The following GRM7 variants were observed in gnomAD, a reference collection of about 807,000 sequenced individuals.
The protein encoded by GRM7 is metabotropic glutamate receptor 7.
In GRM7, 35 loss-of-function variants were observed where a neutral mutation model predicts 84.5. The ratio of observed to expected loss-of-function variants is 0.41; its 90% confidence interval spans 0.32 to 0.55. The LOEUF (loss-of-function observed/expected upper bound fraction) is 0.55, where lower values mean the gene tolerates loss of function less well. GRM7 is among the 20% of genes least tolerant of loss of function. The pLI, the probability that GRM7 is intolerant of heterozygous loss-of-function variation, is 0.19. For synonymous variants in GRM7, 487 were observed against 455.1 expected, an observed-to-expected ratio of 1.07 and a Z score of -0.89; for missense variants, 1,003 against 1,194.6, an observed-to-expected ratio of 0.84 and a Z score of 2.36.
At position 7,544,927 on chromosome 3, in the gene GRM7, T is replaced by C. The variant is rs192040050; in HGVS notation, c.1516-33495T>C. ...CCTCTAAAATCAATTTTTGCCCCCT[T>C]AGGGGCATTATCACTCCTTGTTAAA... On this transcript the variant is annotated intron_variant, in intron 7 of 9. Coordinates refer to ENST00000357716, the MANE Select transcript of GRM7 (RefSeq NM_000844.4). Among the ~76,000 whole-genome samples the C allele has an allele frequency of 1.6e-4, 25 of 152,340 alleles. No homozygotes were observed. The East Asian group carries it at 4.4e-3, about 27-fold the overall frequency.
chr3:7,482,724 T>G (rs1699179828), intron 7 of GRM7, among the ~76,000 whole-genome samples: 1 of 152,176 alleles, frequency 6.6e-6, no homozygotes, highest in African/African-American at 2.4e-5. Context: ...AAAGGTTTTT[T>G]AAGAAAAATT....
At chr3:7,272,440 G>A (rs1200149387) in intron 2 of GRM7, among the ~76,000 whole-genome samples, 1 of 152,130 alleles carries the variant, frequency 6.6e-6, no homozygotes, top group Non-Finnish European at 1.5e-5. Context: ...TTAGGTGATT[G>A]TTTGCAGAAA....
intron 9 of GRM7, among the ~76,000 whole-genome samples, chr3:7,697,481 T>C (rs2125155718): frequency 6.6e-6 from 1 of 152,288 alleles, no homozygotes; most frequent in South Asian, 2.1e-4. Context: ...CATTTCTTCA[T>C]TAAAGAGCTG....
chr3:7,347,590 T>C (rs146913316), intron 4 of GRM7, among the ~76,000 whole-genome samples: 3 of 152,310 alleles, frequency 2.0e-5, no homozygotes, highest in African/African-American at 7.2e-5. Context: ...TTTGCCATAA[T>C]TGTTTGGAGA....
chr3:7,426,213 G>C (rs1337552739), intron 5 of GRM7, among the ~76,000 whole-genome samples: 1 of 151,476 alleles, frequency 6.6e-6, no homozygotes, highest in Admixed American at 6.6e-5. Context: ...TCTGTCTCCC[G>C]GGTTCAAGTG....
intron 1 of GRM7, among the ~76,000 whole-genome samples, chr3:6,952,830 A>T (rs772868819): frequency 6.6e-6 from 1 of 152,204 alleles, no homozygotes; most frequent in Non-Finnish European, 1.5e-5. Context: ...ATAGTACCAT[A>T]TGACTTTCTT....
chr3:7,329,525 A>G (rs1033241991), intron 4 of GRM7, among the ~76,000 whole-genome samples: 2 of 152,196 alleles, frequency 1.3e-5, no homozygotes, highest in African/African-American at 2.4e-5. Context: ...GTTGAGACTC[A>G]GCCTTTTTAG....
chr3:7,068,018 T>C (rs1267435247), intron 1 of GRM7, among the ~76,000 whole-genome samples: 1 of 152,036 alleles, frequency 6.6e-6, no homozygotes, highest in Non-Finnish European at 1.5e-5. Flanking sequence ...ATGTAGTTAT[T>C]ACAATAAATG....
intron 4 of GRM7, among the ~76,000 whole-genome samples, chr3:7,408,116 C>G (rs1695760285): frequency 2.0e-5 from 3 of 152,190 alleles, no homozygotes; most frequent in African/African-American, 4.8e-5. Context: ...AGTGTCGAAG[C>G]TAGGAATTGA....
rs556736966 is a variant in GRM7 at position 7,516,812 on chromosome 3, T to G, written c.1515+55090T>G. 2.8e-4 allele frequency among the ~76,000 whole-genome samples: 42 copies of G among 152,330 alleles called. 1 individual carries two copies. The South Asian group carries it at 3.7e-3, about 14-fold the overall frequency. ...TCTGCTTCTGCTGATGACCAAGCAT[T>G]TTAGCATTTTTTCATTTAAGTTTAA... On this transcript the variant is annotated intron_variant, in intron 7 of 9. Transcript: ENST00000357716.
At chr3:6,906,038 A>C (rs533603064) in intron 1 of GRM7, among the ~76,000 whole-genome samples, 1 of 152,328 alleles carries the variant, frequency 6.6e-6, no homozygotes, top group Non-Finnish European at 1.5e-5. Flanking sequence ...GATAGCAATC[A>C]CTTGACAATT....
intron 9 of GRM7, among the ~76,000 whole-genome samples, chr3:7,736,454 G>A (rs1171184005): frequency 2.6e-5 from 4 of 152,038 alleles, no homozygotes; most frequent in Non-Finnish European, 5.9e-5. Flanking sequence ...TATATAGAAA[G>A]CTATATAGTT....
At chr3:6,961,243 A>G (rs114529916) in intron 1 of GRM7, among the ~76,000 whole-genome samples, 597 of 152,290 alleles carry the variant, frequency 3.9e-3, no homozygotes, top group African/African-American at 0.014. Flanking sequence ...TCTTCATAAT[A>G]TCACGCTAAA....
intron 4 of GRM7, among the ~76,000 whole-genome samples, chr3:7,313,203 A>G (rs1700468737): frequency 6.6e-6 from 1 of 152,172 alleles, no homozygotes; most frequent in African/African-American, 2.4e-5. Context: ...TGCTGGGATT[A>G]CAGGCGTGAC....
At chr3:6,929,098 G>A (rs544524604) in intron 1 of GRM7, among the ~76,000 whole-genome samples, 3 of 152,218 alleles carry the variant, frequency 2.0e-5, no homozygotes, top group African/African-American at 7.2e-5. Context: ...GTGTGATATT[G>A]GTATTATAAC....
At chr3:7,473,682 G>C (rs766588525) in intron 7 of GRM7, among the ~76,000 whole-genome samples, 3 of 152,144 alleles carry the variant, frequency 2.0e-5, no homozygotes, top group Non-Finnish European at 4.4e-5. Flanking sequence ...AGTTTTGTAT[G>C]GGTGAATACA....
intron 1 of GRM7, among the ~76,000 whole-genome samples, chr3:7,051,827 A>G (rs1697012143): frequency 6.6e-6 from 1 of 151,814 alleles, no homozygotes; most frequent in Non-Finnish European, 1.5e-5. Context: ...GATACAGAAA[A>G]TGGGAAGAGA....
chr3:7,049,742 T>C (rs570122462), intron 1 of GRM7, among the ~76,000 whole-genome samples: 147 of 152,012 alleles, frequency 9.7e-4, no homozygotes, highest in African/African-American at 3.4e-3. Flanking sequence ...ATTTATGTTT[T>C]CAGAATGTAT....
chr3:7,004,986 A>G (rs1695132988), intron 1 of GRM7, among the ~76,000 whole-genome samples: 2 of 152,170 alleles, frequency 1.3e-5, no homozygotes, highest in Admixed American at 1.3e-4. Context: ...ATTGCCAGGC[A>G]CAGCACCCTC....
Sources: allele counts gnomAD v4.1 joint callset (sites outside exome capture counted in the v4.1 genomes callset), GRCh38; gene constraint gnomAD v4.1.1; transcripts MANE v1.5; gene names NCBI Gene and HGNC (gene_info 2026-07-23, HGNC 2026-07-21).